POLA2: variants seen among roughly 807,000 people sequenced by gnomAD.
POLA2 encodes the protein DNA polymerase alpha 2, accessory subunit, also known as DNA polymerase alpha subunit B.
Under a neutral mutation model 82.8 loss-of-function variants are expected in POLA2, and 47 were observed. The ratio of observed to expected loss-of-function variants is 0.57; its 90% CI spans 0.45 to 0.72. POLA2 has a LOEUF of 0.72. Among genes scored for constraint, POLA2 ranks in the 30% least tolerant of loss-of-function variants. The pLI, the probability that POLA2 is intolerant of heterozygous loss-of-function variation, is 0.00. For missense variants in POLA2, 634 were observed against 728.1 expected, an observed-to-expected ratio of 0.87 and a Z score of 1.49; for synonymous variants, 287 against 286.8, an observed-to-expected ratio of 1.00 and a Z score of -0.01.
At chr11:65,275,059 A>C (rs560097) in intron 4 of POLA2, among the ~76,000 whole-genome samples, 22,472 of 152,202 alleles carry the variant, frequency 0.15, 1,757 homozygotes, top group South Asian at 0.21. Context: ...TAGTAGAATA[A>C]GGGATTTTTT....
intron 11 of POLA2, among the ~76,000 whole-genome samples, chr11:65,288,667 C>T (rs895958682): frequency 2.6e-5 from 4 of 152,142 alleles, no homozygotes; most frequent in South Asian, 2.1e-4. Context: ...TACAGGCACA[C>T]GCCACCATGC....
At chr11:65,267,748 C>A (rs1949477074) in intron 3 of POLA2, among the ~76,000 whole-genome samples, 180 bp downstream of exon 3, 1 of 152,074 alleles carries the variant, frequency 6.6e-6, no homozygotes, top group Non-Finnish European at 1.5e-5. Flanking sequence ...AATTTGTGAC[C>A]AACCTGGGCA....
At chr11:65,294,017 A>C in intron 13 of POLA2, 136 bp from the exon 14 acceptor site, 1 of 768,250 alleles carries the variant, frequency 1.3e-6, no homozygotes, top group Admixed American at 1.8e-5. Context: ...TCTGTTCATA[A>C]CAGAGTGCAG....
In POLA2 at chr11:65,281,155, T is replaced by A; in HGVS notation, c.900+8T>A. ...TCTCTGTTTCCTGGACAGGTGAGATTGGAGGAGTTCCACCAGAATGCAGGC... is the reference window on the plus strand; with the variant it reads ...TCTCTGTTTCCTGGACAGGTGAGATAGGAGGAGTTCCACCAGAATGCAGGC... On this transcript the variant is annotated splice_region_variant and intron_variant, in intron 8 of 17. Transcript: ENST00000265465. 1 of 1,613,678 alleles carries A rather than the reference T, an allele frequency of 6.2e-7. No individual in the cohort carries two copies. The highest frequency in any genetic ancestry group is 1.1e-5 in the South Asian group (1 of 91,052).
In POLA2 at chr11:65,289,788, CT is replaced by C. The variant is rs777888504; in HGVS notation, c.1171-8del. The C allele has an allele frequency of 4.9e-5, 77 of 1,586,450 alleles. 1 individual carries two copies. In the South Asian group the frequency reaches 8.1e-4, roughly 17 times the overall value. On this transcript the variant is annotated splice_polypyrimidine_tract_variant and intron_variant, in intron 12 of 17. Transcript: ENST00000265465. ...CTGCCGTCTAAATCTGTCTCCTTTC[CT>C]TTCTTGCAGAATTGTCTACTGACAA...
At chr11:65,295,437 G>C (rs754512385) in intron 15 of POLA2, 103 bp from the exon 16 acceptor site, 6 of 981,708 alleles carry the variant, frequency 6.1e-6, no homozygotes, top group Non-Finnish European at 8.1e-6. Flanking sequence ...GCTGTGCCTT[G>C]GCCATTTACC....
At chr11:65,266,554 T>C (rs370034138) in intron 1 of POLA2, 28 bp from the exon 2 acceptor site, 37 of 1,612,820 alleles carry the variant, frequency 2.3e-5, no homozygotes, top group Non-Finnish European at 3.0e-5. Context: ...GAACTAAGTT[T>C]TTACTTGTCC....
chr11:65,295,728 C>A, intron 16 of POLA2, 129 bp downstream of exon 16: 1 of 1,305,258 alleles, frequency 7.7e-7, no homozygotes, highest in Non-Finnish European at 1.1e-6. Context: ...GACAAGCCTG[C>A]ATTCTGCCCC....
intron 13 of POLA2, among the ~76,000 whole-genome samples, chr11:65,292,389 C>T (rs547456471): frequency 6.6e-6 from 1 of 152,296 alleles, no homozygotes; most frequent in South Asian, 2.1e-4. Flanking sequence ...TTTCTGATCC[C>T]TCCTTCTATA....
At chr11:65,288,307 C>A (rs963688514) in intron 11 of POLA2, among the ~76,000 whole-genome samples, 3 of 151,990 alleles carry the variant, frequency 2.0e-5, no homozygotes, top group African/African-American at 7.2e-5. Flanking sequence ...GACTCCATCT[C>A]AAAAAATAAA....
At position 65,289,043 on chromosome 11, in the gene POLA2, C is replaced by T. The variant is rs1949727574; in HGVS notation, c.1132-7C>T. 3 of 1,612,860 alleles carry T rather than the reference C, an allele frequency of 1.9e-6. No individual in the cohort carries two copies. The highest frequency in any genetic ancestry group is 2.5e-6 in the Non-Finnish European group (3 of 1,179,356). ...TTCTTTTGGTGTCTTTGTTTCTCCCCTTGCAGTTTGGCCCTTTCCTGGATG... is the reference window on the plus strand; with the variant it reads ...TTCTTTTGGTGTCTTTGTTTCTCCCTTTGCAGTTTGGCCCTTTCCTGGATG... On this transcript the variant is annotated splice_polypyrimidine_tract_variant and splice_region_variant and intron_variant, in intron 11 of 17. Coordinates refer to ENST00000265465, the MANE Select transcript of POLA2 (RefSeq NM_002689.4).
In POLA2 at chr11:65,295,494, G is replaced by C. The variant is rs1949800260; in HGVS notation, c.1461-46G>C. On this transcript the variant is annotated intron_variant, in intron 15 of 17. Transcript: ENST00000265465. ...CTCCAGTCCTCCCTGAAGAGAAATG[G>C]GCTGAAAAACAGAGTTCTGTTTTCA... 2.6e-6 allele frequency: 4 copies of C among 1,513,532 alleles called. No individual in the cohort carries two copies. In the Admixed American group the frequency reaches 6.7e-5, roughly 25 times the overall value. The allele number at this position is 1,513,532 out of a possible 1,614,324, so 93.8% of individuals were successfully genotyped here.
intron 1 of POLA2, among the ~76,000 whole-genome samples, chr11:65,265,059 T>A (rs1949443382): frequency 6.6e-6 from 1 of 152,122 alleles, no homozygotes; most frequent in Non-Finnish European, 1.5e-5. Context: ...TGAAACCCGG[T>A]CTCTACTTAA....
chr11:65,279,413 G>A, intron 6 of POLA2, 125 bp from the exon 7 acceptor site: 1 of 671,176 alleles, frequency 1.5e-6, no homozygotes, highest in Non-Finnish European at 2.6e-6. Flanking sequence ...CTGGCCAGAT[G>A]TCCAGGCACC....
At chr11:65,263,222 T>C (rs554025804) in intron 1 of POLA2, among the ~76,000 whole-genome samples, 173 of 133,008 alleles carry the variant, frequency 1.3e-3, no homozygotes, top group African/African-American at 4.2e-3. Flanking sequence ...CTCTCTCTCT[T>C]TTTTTTTTTT....
At chr11:65,291,735 T>C (rs1272996950) in intron 13 of POLA2, among the ~76,000 whole-genome samples, 1 of 152,168 alleles carries the variant, frequency 6.6e-6, no homozygotes, top group Non-Finnish European at 1.5e-5. Context: ...ACAGCAGTGA[T>C]AGAAATAAAG....
At chr11:65,294,475 C>A in intron 14 of POLA2, 71 bp from the exon 15 acceptor site, 3 of 1,359,014 alleles carry the variant, frequency 2.2e-6, no homozygotes, top group Non-Finnish European at 3.1e-6. Flanking sequence ...CCTCAGACAA[C>A]CCCCACTTTC....
intron 13 of POLA2, among the ~76,000 whole-genome samples, chr11:65,291,726 C>T (rs1247624027): frequency 1.3e-5 from 2 of 152,200 alleles, no homozygotes; most frequent in African/African-American, 4.8e-5. Context: ...GTGGTATTGA[C>T]AGCAGTGATA....
rs187962194 is a variant in POLA2, at chr11:65,275,560, A to G, written c.355-332A>G. On this transcript the variant is annotated intron_variant, in intron 4 of 17. Transcript: ENST00000265465. ...ATCAAAACTATGCATTGTAAAACTC[A>G]TATCTGTTTGAAAACATAGAGGTAG... Among the ~76,000 whole-genome samples, 5 of 152,340 alleles carry G rather than the reference A, an allele frequency of 3.3e-5. No individual in the cohort carries two copies. In the East Asian group the frequency reaches 9.6e-4, roughly 29 times the overall value.
Sources: gnomAD v4.1 joint callset for allele counts (sites outside exome capture counted in the v4.1 genomes callset) on GRCh38, gnomAD v4.1.1 for gene constraint, MANE v1.5 for transcripts, NCBI Gene and HGNC (gene_info 2026-07-23, HGNC 2026-07-21) for gene names.